KLHL29: variants seen among roughly 807,000 people sequenced by gnomAD.
KLHL29 encodes the protein kelch like family member 29, also known as kelch-like protein 29.
In KLHL29, 21 loss-of-function variants were observed where a neutral mutation model predicts 80.4. The observed-to-expected ratio is 0.26, with a 90% CI of 0.19 to 0.38. The LOEUF (loss-of-function observed/expected upper bound fraction) is 0.38, where lower values mean the gene tolerates loss of function less well. Ranked by LOEUF, KLHL29 falls within the 10% of genes least tolerant of loss-of-function variation. The pLI is 1.00. For missense variants in KLHL29, 867 were observed against 1,223.9 expected, an observed-to-expected ratio of 0.71 and a Z score of 4.35; for synonymous variants, 511 against 526.8, an observed-to-expected ratio of 0.97 and a Z score of 0.41.
At chr2:23,609,965 G>T (rs1337025874) in intron 3 of KLHL29, among the ~76,000 whole-genome samples, 1 of 152,106 alleles carries the variant, frequency 6.6e-6, no homozygotes, top group Non-Finnish European at 1.5e-5. Flanking sequence ...GTGACATGGG[G>T]GTACGGGAGG....
At chr2:23,608,712 A>G (rs1668787304) in intron 3 of KLHL29, among the ~76,000 whole-genome samples, 1 of 152,196 alleles carries the variant, frequency 6.6e-6, no homozygotes, top group African/African-American at 2.4e-5. Context: ...TTTAGATACC[A>G]AACCCATTGG....
chr2:23,649,109 C>G (rs1670018483), intron 5 of KLHL29, among the ~76,000 whole-genome samples: 1 of 152,286 alleles, frequency 6.6e-6, no homozygotes, highest in Admixed American at 6.5e-5. Flanking sequence ...AGCACCTTAG[C>G]CTCAGGACCA....
intron 2 of KLHL29, among the ~76,000 whole-genome samples, chr2:23,508,724 T>C (rs966965728): frequency 6.6e-6 from 1 of 152,272 alleles, no homozygotes; most frequent in Non-Finnish European, 1.5e-5. Flanking sequence ...TGCAGATTCC[T>C]GAGGTGGGAC....
chr2:23,444,593 T>C (rs1663621592), intron 1 of KLHL29, among the ~76,000 whole-genome samples: 1 of 152,228 alleles, frequency 6.6e-6, no homozygotes, highest in South Asian at 2.1e-4. Context: ...CCCAAAGTGC[T>C]GGGATTACAG....
At chr2:23,637,670 G>A (rs482525) in intron 3 of KLHL29, among the ~76,000 whole-genome samples, 122,357 of 152,050 alleles carry the variant, frequency 0.8, 49,582 homozygotes, top group East Asian at 0.99. Flanking sequence ...ACTATGCGTC[G>A]AAGCCCCAAG....
chr2:23,535,987 C>A (rs1480900650), intron 2 of KLHL29, among the ~76,000 whole-genome samples: 4 of 152,150 alleles, frequency 2.6e-5, no homozygotes, highest in South Asian at 2.1e-4. Context: ...AGCCTCCTGG[C>A]CCCCTTAAAT....
chr2:23,662,051 T>C (rs1670423147), intron 5 of KLHL29, among the ~76,000 whole-genome samples: 1 of 152,194 alleles, frequency 6.6e-6, no homozygotes, highest in Admixed American at 6.5e-5. Context: ...CCCACAGTAC[T>C]GAAGCACAAG....
At position 23,552,761 on chromosome 2, in the gene KLHL29, C is replaced by CTTTTTTTTTTTTTTTTTT. The variant is rs60558023; in HGVS notation, c.-45-9374_-45-9373insTTTTTTTTTTTTTTTTTT. ...CACGGCTATAGCTCTGGTTTCTTTT[C>CTTTTTTTTTTTTTTTTTT]TTTTTTTTTTTTTTTTTGAGATGGC... On this transcript the variant is annotated intron_variant, in intron 2 of 13. Coordinates refer to ENST00000486442, the MANE Select transcript of KLHL29 (RefSeq NM_052920.2). Among the ~76,000 whole-genome samples the CTTTTTTTTTTTTTTTTTT allele has an allele frequency of 7.7e-3, 737 of 95,460 alleles. 95 individuals carry two copies. The highest frequency in any genetic ancestry group is 0.011 in the African/African-American group (225 of 21,198). The allele number at this position is 95,460 out of a possible 152,430, so 62.6% of individuals were successfully genotyped here. A position where few individuals can be genotyped will look rare whatever the true frequency, so the allele number is the denominator to read the frequency against.
chr2:23,438,663 A>T (rs1572513260), intron 1 of KLHL29, among the ~76,000 whole-genome samples: 1 of 149,516 alleles, frequency 6.7e-6, no homozygotes, highest in African/African-American at 2.5e-5. Flanking sequence ...GATGAAGCCC[A>T]CTTGATCGTG....
In KLHL29 at chr2:23,520,997, C is replaced by CG. The variant is rs879834490; in HGVS notation, c.-45-41155_-45-41154insG. On this transcript the variant is annotated intron_variant, in intron 2 of 13. Transcript: ENST00000486442. ...GCTTTCATTTTACAAAGACCACCCCCCCCCCCGCTCCCCCTCAGGGGTGTT... is the reference window on the plus strand; with the variant it reads ...GCTTTCATTTTACAAAGACCACCCCCGCCCCCCGCTCCCCCTCAGGGGTGTT... Among the ~76,000 whole-genome samples the CG allele has an allele frequency of 6.6e-5, 10 of 151,224 alleles. No homozygotes were observed. In the South Asian group the frequency reaches 8.3e-4, roughly 13 times the overall value.
rs573717329 is a variant in KLHL29, at chr2:23,682,334, T to G, written c.941-2065T>G. The stretch of plus-strand genomic sequence containing the variant: ...AGTGTGGACCCTGAGGCTCTGAGGA[T>G]GTGGGTCCCCTTTCCCAAGGTCACA... On this transcript the variant is annotated intron_variant, in intron 5 of 13. Coordinates refer to ENST00000486442, the MANE Select transcript of KLHL29 (RefSeq NM_052920.2). The surrounding 1 kb of genome is among the most constrained non-coding windows in gnomAD (Gnocchi z 4.1). Among the ~76,000 whole-genome samples the G allele has an allele frequency of 1.3e-5, 2 of 152,248 alleles. No homozygotes were observed. Among genetic ancestry groups the G allele is most frequent in the Middle Eastern group, 6.8e-3 (2 of 294 alleles).
chr2:23,494,727 C>T (rs1279531983), intron 2 of KLHL29, among the ~76,000 whole-genome samples: 2 of 151,742 alleles, frequency 1.3e-5, no homozygotes, highest in Non-Finnish European at 2.9e-5. Context: ...CATGAAAGAC[C>T]CCCTCGGCTT....
chr2:23,617,478 G>GA (rs1420705955), intron 3 of KLHL29: 1 of 152,294 alleles, frequency 6.6e-6, no homozygotes, highest in Non-Finnish European at 1.5e-5. Flanking sequence ...CACTGCCGTA[G>GA]AAACAGCAGT....
rs1014866814 is a variant in KLHL29 at position 23,445,121 on chromosome 2, T to C, written c.-153-30439T>C. ...TGCTGTATGTCATTTCACTTAAAGT[T>C]GCAGTTTCCAAGAACCTTAACAAGG... is the stretch of plus-strand genomic sequence containing the variant. On this transcript the variant is annotated intron_variant, in intron 1 of 13. Transcript: ENST00000486442. Among the ~76,000 whole-genome samples the C allele has an allele frequency of 6.6e-5, 10 of 152,306 alleles. No individual in the cohort carries two copies. The East Asian group carries it at 1.7e-3, about 26-fold the overall frequency.
intron 5 of KLHL29, among the ~76,000 whole-genome samples, chr2:23,675,134 A>G (rs1670884998): frequency 6.6e-6 from 1 of 152,096 alleles, no homozygotes; most frequent in South Asian, 2.1e-4. Context: ...CCCGCACCCC[A>G]TGACATGTTC....
chr2:23,574,837 T>C (rs1572410879), intron 3 of KLHL29, among the ~76,000 whole-genome samples: 1 of 152,284 alleles, frequency 6.6e-6, no homozygotes, highest in East Asian at 1.9e-4. Context: ...ATTTCCTTGA[T>C]GAAGAGAAAT....
At chr2:23,446,457 G>T (rs1220687935) in intron 1 of KLHL29, among the ~76,000 whole-genome samples, 2 of 152,148 alleles carry the variant, frequency 1.3e-5, no homozygotes, top group Non-Finnish European at 2.9e-5. Flanking sequence ...ACCCCAAGAT[G>T]GTGAAAGCCC....
chr2:23,599,046 A>G (rs1042296790), intron 3 of KLHL29, among the ~76,000 whole-genome samples: 1 of 152,236 alleles, frequency 6.6e-6, no homozygotes, highest in African/African-American at 2.4e-5. Context: ...TTCCTATTTA[A>G]GGAGTATTTT....
chr2:23,476,052 T>C (rs1664632869), intron 2 of KLHL29, among the ~76,000 whole-genome samples: 1 of 152,168 alleles, frequency 6.6e-6, no homozygotes. Context: ...CTATCACGTG[T>C]GCTATCACGA....
Sources: gnomAD v4.1 joint callset for allele counts (sites outside exome capture counted in the v4.1 genomes callset) on GRCh38, gnomAD v4.1.1 for gene constraint, Gnocchi (gnomAD v3.1) non-coding constraint, MANE v1.5 for transcripts, NCBI Gene and HGNC (gene_info 2026-07-23, HGNC 2026-07-21) for gene names.